The following IWS1 variants were observed in gnomAD, a reference collection of about 807,000 sequenced individuals.
IWS1 encodes protein IWS1 homolog.
A neutral mutation model predicts 86.7 loss-of-function variants in IWS1; 27 were observed. The observed-to-expected ratio is 0.31, with a 90% CI of 0.23 to 0.43. The LOEUF is 0.43. Among genes scored for constraint, IWS1 ranks in the 20% least tolerant of loss-of-function variants. The pLI, the probability that IWS1 is intolerant of heterozygous loss-of-function variation, is 1.00. For synonymous variants in IWS1, 313 were observed against 335.1 expected, an observed-to-expected ratio of 0.93 and a Z score of 0.72; for missense variants, 827 against 1,000.8, an observed-to-expected ratio of 0.83 and a Z score of 2.34.
At chr2:127,491,915 ATC>A (rs1690248412) in intron 10 of IWS1, 54 bp downstream of exon 10, 2 of 998,228 alleles carry the variant, frequency 2.0e-6, no homozygotes, top group South Asian at 1.3e-5. Flanking sequence ...ATATATACGC[ATC>A]TCTCTCTTAT....
intron 2 of IWS1, among the ~76,000 whole-genome samples, chr2:127,507,703 T>G (rs927166829): frequency 6.6e-6 from 1 of 152,168 alleles, no homozygotes; most frequent in Non-Finnish European, 1.5e-5. Flanking sequence ...CATATTTTGG[T>G]TTGTTTTCCT....
chr2:127,505,671 T>C lies in IWS1; in HGVS notation c.232A>G (p.Asn78Asp), dbSNP rs752949571. The change falls in exon 3 of 14, where the codon AAT becomes GAT. Residue 78 changes from asparagine (N) to aspartate (D), a missense_variant. Around this residue, in one of 2 missense-constraint regions of IWS1, gnomAD observed 548 missense variants for 560.2 expected, o/e 0.98. Transcript: ENST00000295321. The surrounding 1 kb of genome is among the most constrained non-coding windows in gnomAD (Gnocchi z 5.0). ...TCCTCACTTTCAGAGTCACTAGCAT[T>C]AAGATTTAAGGGCTCATCGTTCTCA... ...DSENDEPLNLNASDSESEELH... is the reference protein window; with the variant it reads ...DSENDEPLNLDASDSESEELH... 7 of 1,613,794 alleles carry C rather than the reference T, an allele frequency of 4.3e-6. No individual in the cohort carries two copies.
At chr2:127,502,768 C>CA (rs757933480) in intron 5 of IWS1, 47 bp downstream of exon 5, 191 of 1,058,428 alleles carry the variant, frequency 1.8e-4, no homozygotes, top group Middle Eastern at 4.1e-4. Context: ...ATAAAAACAC[C>CA]AAAAAAAAGC....
chr2:127,504,601 T>A (rs1691012511), intron 3 of IWS1, 83 bp downstream of exon 3: 2 of 969,176 alleles, frequency 2.1e-6, no homozygotes, highest in African/African-American at 3.3e-5. Flanking sequence ...AGATCTGACA[T>A]ACCAAGAGGA....
chr2:127,502,489 G>C (rs908204284), intron 5 of IWS1: 5 of 191,496 alleles, frequency 2.6e-5, no homozygotes, highest in African/African-American at 1.2e-4. Flanking sequence ...GCTTGGCAGA[G>C]GGGTTAGTCC....
chr2:127,510,285 G>A (rs1308832645), intron 2 of IWS1, among the ~76,000 whole-genome samples: 1 of 152,140 alleles, frequency 6.6e-6, no homozygotes, highest in Non-Finnish European at 1.5e-5. Flanking sequence ...ACATAATGCT[G>A]TCAATCCAAT....
At position 127,526,389 on chromosome 2, in the gene IWS1, GCCCCGGCGGAAAAGGCCGTA is replaced by G; in HGVS notation, c.-201_-182del. 4 of 1,536,114 alleles carry G rather than the reference GCCCCGGCGGAAAAGGCCGTA, an allele frequency of 2.6e-6. No individual in the cohort carries two copies. The highest frequency in any genetic ancestry group is 3.5e-6 in the Non-Finnish European group (4 of 1,146,100). On this transcript the variant is annotated 5_prime_UTR_variant, in exon 1 of 14. The change abolishes the stop of an existing upstream ORF in the 5' untranslated region. Coordinates refer to ENST00000295321, the MANE Select transcript of IWS1 (RefSeq NM_017969.3). Reference sequence around the variant, plus strand: ...CAAAGGCGAATTCTTTGACCTGGAAGCCCCGGCGGAAAAGGCCGTACCCGGCAGGCTGGCGGGCGGGCAGG... The same window carrying G: ...CAAAGGCGAATTCTTTGACCTGGAAGCCCGGCAGGCTGGCGGGCGGGCAGG...
Position 127,494,895 on chromosome 2 carries a change from A to G in IWS1, c.1776T>C (p.Pro592=), listed in dbSNP as rs1010178244. 9.4e-6 allele frequency: 15 copies of G among 1,602,130 alleles called. No homozygotes were observed. The highest frequency in any genetic ancestry group is 1.3e-5 in the African/African-American group (1 of 74,622). ...KPALKKLTLL[P]AVVMHLKKQD... ...ACTTCTTAAGGTGCATAACTACAGC[A>G]GGCAGTAAAGTTAATTTTTTCAGTG... The change falls in exon 8 of 14, where the codon CCT becomes CCC. Residue 592 remains proline (P), a synonymous_variant. Transcript: ENST00000295321.
intron 2 of IWS1, among the ~76,000 whole-genome samples, chr2:127,507,359 T>C (rs371225374): frequency 2.0e-5 from 3 of 152,320 alleles, no homozygotes; most frequent in South Asian, 2.1e-4. Flanking sequence ...CAAAGAGTCA[T>C]TGCTATACAC....
At chr2:127,501,987 A>G (rs1279242069) in intron 5 of IWS1, among the ~76,000 whole-genome samples, 1 of 152,208 alleles carries the variant, frequency 6.6e-6, no homozygotes, top group Non-Finnish European at 1.5e-5. Flanking sequence ...GAACATATTT[A>G]AGGTGGTATC....
rs772622420 is a variant in IWS1, at chr2:127,505,229, T to C, written c.674A>G (p.Glu225Gly). Residue 225 changes from glutamate (E) to glycine (G), a missense_variant, in exon 3 of 14, where the codon GAA (glutamate) becomes GGA (glycine). By Grantham distance (98) the Glu-to-Gly change is moderately conservative. Around this residue, in one of 2 missense-constraint regions of IWS1, gnomAD observed 548 missense variants for 560.2 expected, o/e 0.98. Transcript: ENST00000295321. This position sits in a 1 kb window ranked among gnomAD's most constrained non-coding sequence, Gnocchi z 5.0. ...ELPKPQVSDS[E>G]SEEPPRHQAS... ...CTGGTGCCTTGGGGGTTCCTCACTT[T>C]CTGAATCACTGACCTGAGGTTTAGG... 2 of 1,614,132 alleles carry C rather than the reference T, an allele frequency of 1.2e-6. No homozygotes were observed. The highest frequency in any genetic ancestry group is 1.7e-6 in the Non-Finnish European group (2 of 1,179,974).
At chr2:127,507,035 G>A (rs1420165461) in intron 2 of IWS1, among the ~76,000 whole-genome samples, 6 of 152,100 alleles carry the variant, frequency 3.9e-5, no homozygotes, top group Admixed American at 3.3e-4. Flanking sequence ...AAAATTTACT[G>A]AGCCAAATAT....
chr2:127,509,990 A>G (rs1490278333), intron 2 of IWS1, among the ~76,000 whole-genome samples: 1 of 152,216 alleles, frequency 6.6e-6, no homozygotes, highest in Admixed American at 6.5e-5. Context: ...GGAAACGTGT[A>G]TAGACCCAAA....
chr2:127,526,880 G>C, upstream of IWS1: 1 of 345,756 alleles, frequency 2.9e-6, no homozygotes, highest in Non-Finnish European at 5.8e-6. Context: ...ACTGGGACTT[G>C]TAGTATGACG....
chr2:127,500,313 G>A (rs774029243), intron 5 of IWS1, among the ~76,000 whole-genome samples: 1 of 152,116 alleles, frequency 6.6e-6, no homozygotes, highest in Non-Finnish European at 1.5e-5. Context: ...TGGTTTTTTC[G>A]ATCTGCTTCT....
At chr2:127,497,761 A>C (rs1558750021) in intron 6 of IWS1, among the ~76,000 whole-genome samples, 3 of 152,244 alleles carry the variant, frequency 2.0e-5, no homozygotes. Flanking sequence ...GCTCAACTAA[A>C]GTAAGTGAAA....
At chr2:127,484,698 G>T (rs764668526) in intron 13 of IWS1, 1 of 152,080 alleles carries the variant, frequency 6.6e-6, no homozygotes. Flanking sequence ...TATGAAAGAC[G>T]GCTAAAAAGA....
At chr2:127,502,938 TA>T in intron 4 of IWS1, 66 bp from the exon 5 acceptor site, 3 of 911,710 alleles carry the variant, frequency 3.3e-6, no homozygotes, top group South Asian at 1.4e-5. Flanking sequence ...AACCATTTTT[TA>T]AAAAATAGAA....
At chr2:127,498,009 A>C (rs1690604211) in intron 6 of IWS1, 131 bp downstream of exon 6, 1 of 639,164 alleles carries the variant, frequency 1.6e-6, no homozygotes, top group Non-Finnish European at 2.7e-6. Flanking sequence ...AACACCGTAA[A>C]TGGAGAAAAA....
Sources: gnomAD v4.1 joint callset for allele counts (sites outside exome capture counted in the v4.1 genomes callset) on GRCh38, gnomAD v4.1.1 for gene constraint, gnomAD v4.1.1 regional missense constraint, Gnocchi (gnomAD v3.1) non-coding constraint, MANE v1.5 for transcripts, NCBI Gene and HGNC (gene_info 2026-07-23, HGNC 2026-07-21) for gene names.